Variants in KCNMA1 observed in about 807,000 individuals in gnomAD.
The protein encoded by KCNMA1 is potassium calcium-activated channel subfamily M alpha 1, also known as Calcium-activated potassium channel subunit alpha-1.
A neutral mutation model predicts 140.0 loss-of-function variants in KCNMA1; 29 were observed. The observed-to-expected ratio is 0.21, with a 90% CI of 0.15 to 0.28. The LOEUF (loss-of-function observed/expected upper bound fraction) is 0.28, where lower values mean the gene tolerates loss of function less well. Ranked by LOEUF, KCNMA1 falls within the 10% of genes least tolerant of loss-of-function variation. The pLI is 1.00. For synonymous variants in KCNMA1, 612 were observed against 611.9 expected (o/e 1.00, Z 0.00); for missense variants, 880 against 1,602.2 (o/e 0.55, Z 7.70).
chr10:77,374,227 C>T (rs1009674178), intron 2 of KCNMA1, among the ~76,000 whole-genome samples: 1 of 152,166 alleles, frequency 6.6e-6, no homozygotes, highest in African/African-American at 2.4e-5. Flanking sequence ...CTGCAAACAA[C>T]CATGGCGGGA....
Position 76,945,545 on chromosome 10 carries a change from G to A in KCNMA1, c.2710-580C>T, listed in dbSNP as rs535511266. Among the ~76,000 whole-genome samples the A allele has an allele frequency of 4.6e-5, 7 of 152,184 alleles. No individual in the cohort carries two copies. The East Asian group carries it at 1.4e-3, about 29-fold the overall frequency. The stretch of plus-strand genomic sequence containing the variant: ...AATGTGTGCAATGCAAAAGAGATAT[G>A]GAAAGGAGTTAAGCTTCAGATCATA... On this transcript the variant is annotated intron_variant, in intron 22 of 27. Coordinates refer to ENST00000286628, the MANE Select transcript of KCNMA1 (RefSeq NM_001161352.2).
intron 1 of KCNMA1, among the ~76,000 whole-genome samples, chr10:77,463,367 T>C (rs978740439): frequency 3.3e-5 from 5 of 152,128 alleles, no homozygotes; most frequent in African/African-American, 7.2e-5. Context: ...TCTGCTTCTA[T>C]AAAACGGGGT....
intron 1 of KCNMA1, among the ~76,000 whole-genome samples, chr10:77,589,825 A>G (rs1394599015): frequency 6.6e-6 from 1 of 152,044 alleles, no homozygotes; most frequent in African/African-American, 2.4e-5. Context: ...TATCGCAAAG[A>G]GGGAAAGAAC....
intron 22 of KCNMA1, among the ~76,000 whole-genome samples, chr10:76,947,570 G>C (rs1038101078): frequency 6.6e-5 from 10 of 152,146 alleles, no homozygotes; most frequent in Admixed American, 5.2e-4. Context: ...GATAACCATG[G>C]AATCATATAA....
chr10:77,304,818 C>CAGAGATT (rs2077300305), intron 2 of KCNMA1, among the ~76,000 whole-genome samples: 1 of 152,222 alleles, frequency 6.6e-6, no homozygotes, highest in Non-Finnish European at 1.5e-5. Context: ...GATTCCCACA[C>CAGAGATT]CCCGTGTGCA....
At chr10:77,541,153 A>G (rs1391427178) in intron 1 of KCNMA1, among the ~76,000 whole-genome samples, 1 of 152,152 alleles carries the variant, frequency 6.6e-6, no homozygotes, top group Non-Finnish European at 1.5e-5. Context: ...AAAATAAAAC[A>G]GCAGAAAAAA....
chr10:77,145,700 T>C (rs1313130479), intron 5 of KCNMA1, among the ~76,000 whole-genome samples: 2 of 152,230 alleles, frequency 1.3e-5, no homozygotes, highest in East Asian at 1.9e-4. Context: ...TCAGACGAAA[T>C]TGACCTCTTC....
At chr10:77,125,469 G>C (rs958613896) in intron 5 of KCNMA1, among the ~76,000 whole-genome samples, 5 of 152,298 alleles carry the variant, frequency 3.3e-5, no homozygotes, top group African/African-American at 1.2e-4. Flanking sequence ...CTGTTTGCCA[G>C]ATGCCCACAT....
intron 6 of KCNMA1, among the ~76,000 whole-genome samples, chr10:77,114,054 T>C (rs1359027145): frequency 1.3e-5 from 2 of 152,170 alleles, no homozygotes; most frequent in African/African-American, 4.8e-5. Flanking sequence ...GCTCCATCCA[T>C]GTGGCTAAGG....
chr10:76,912,115 A>C (rs1246535963), intron 24 of KCNMA1: 1 of 152,236 alleles, frequency 6.6e-6, no homozygotes, highest in Non-Finnish European at 1.5e-5. Context: ...TGAAATACCC[A>C]GTCTCAGAAG....
chr10:77,166,715 AT>A (rs1288839360), intron 5 of KCNMA1, among the ~76,000 whole-genome samples: 1 of 152,126 alleles, frequency 6.6e-6, no homozygotes, highest in East Asian at 1.9e-4. Flanking sequence ...TGAATACTGT[AT>A]TTTTGCCTTA....
At chr10:77,276,452 G>A (rs532592568) in intron 2 of KCNMA1, among the ~76,000 whole-genome samples, 14 of 152,304 alleles carry the variant, frequency 9.2e-5, no homozygotes, top group South Asian at 2.1e-4. Context: ...GGGGCTTGGC[G>A]TCAGGGGACC....
At chr10:77,601,019 A>G (rs1603638176) in intron 1 of KCNMA1, among the ~76,000 whole-genome samples, 1 of 152,164 alleles carries the variant, frequency 6.6e-6, no homozygotes, top group East Asian at 1.9e-4. Context: ...CATCCCTCCC[A>G]CTGAGCAAAG....
chr10:77,151,537 A>G (rs2098418927), intron 5 of KCNMA1, among the ~76,000 whole-genome samples: 1 of 152,134 alleles, frequency 6.6e-6, no homozygotes, highest in African/African-American at 2.4e-5. Flanking sequence ...ATAAATCTGC[A>G]GTTTCTACAG....
intron 2 of KCNMA1, among the ~76,000 whole-genome samples, chr10:77,346,129 C>T (rs1286980403): frequency 6.6e-6 from 1 of 152,186 alleles, no homozygotes; most frequent in Non-Finnish European, 1.5e-5. Flanking sequence ...CCTTGAAACA[C>T]AAGAGTGCTG....
intron 20 of KCNMA1, among the ~76,000 whole-genome samples, chr10:76,955,906 C>T (rs930237480): frequency 6.6e-6 from 1 of 152,124 alleles, no homozygotes; most frequent in Non-Finnish European, 1.5e-5. Flanking sequence ...AGCAGACTTG[C>T]CCTGAAGATA....
intron 2 of KCNMA1, among the ~76,000 whole-genome samples, chr10:77,310,445 T>C (rs148383805): frequency 1.3e-5 from 2 of 152,340 alleles, no homozygotes; most frequent in African/African-American, 4.8e-5. Flanking sequence ...GATACCATCT[T>C]AGGCACATTA....
chr10:76,908,191 T>G (rs1029283572), intron 25 of KCNMA1, among the ~76,000 whole-genome samples: 11 of 152,172 alleles, frequency 7.2e-5, no homozygotes, highest in Admixed American at 6.5e-5. Flanking sequence ...GAGAATATGG[T>G]CTTCTTAGGA....
chr10:77,457,189 C>T (rs2097775109), intron 1 of KCNMA1, among the ~76,000 whole-genome samples: 1 of 152,130 alleles, frequency 6.6e-6, no homozygotes, highest in Non-Finnish European at 1.5e-5. Flanking sequence ...CCTGCTTGCT[C>T]TGAGACCCAG....
Sources: allele counts gnomAD v4.1 joint callset (sites outside exome capture counted in the v4.1 genomes callset), GRCh38; gene constraint gnomAD v4.1.1; transcripts MANE v1.5; gene names NCBI Gene and HGNC (gene_info 2026-07-23, HGNC 2026-07-21).